Variants in ZNF423 observed in about 807,000 individuals in gnomAD.
The protein encoded by ZNF423 is Ebf-associated zinc finger protein.
A neutral mutation model predicts 95.8 loss-of-function variants in ZNF423; 12 were observed. The observed-to-expected ratio is 0.13, with a 90% CI of 0.08 to 0.20. The LOEUF is 0.20. Ranked by LOEUF, ZNF423 falls within the 10% of genes least tolerant of loss-of-function variation. The pLI is 1.00. For missense variants in ZNF423, 1,316 were observed against 1,737.1 expected, an observed-to-expected ratio of 0.76 and a Z score of 4.31; for synonymous variants, 749 against 711.9, an observed-to-expected ratio of 1.05 and a Z score of -0.83.
intron 3 of ZNF423, chr16:49,664,172 C>T (rs2030406221): frequency 1.0e-6 from 1 of 985,466 alleles, no homozygotes; most frequent in African/African-American, 1.7e-5. Context: ...GTTCCCAGCA[C>T]CCGGCGGCAG....
At chr16:49,633,301 C>T (rs780994294) in intron 4 of ZNF423, among the ~76,000 whole-genome samples, 1 of 152,224 alleles carries the variant, frequency 6.6e-6, no homozygotes, top group South Asian at 2.1e-4. Flanking sequence ...AAAATATCAG[C>T]GACATTTACT....
At chr16:49,722,160 G>A (rs1372652223) in intron 3 of ZNF423, among the ~76,000 whole-genome samples, 1 of 152,100 alleles carries the variant, frequency 6.6e-6, no homozygotes, top group African/African-American at 2.4e-5. Context: ...AGCTTACTCC[G>A]GATGGTTCCC....
At chr16:49,529,362 G>A (rs1003414715) in intron 5 of ZNF423, among the ~76,000 whole-genome samples, 6 of 151,952 alleles carry the variant, frequency 3.9e-5, no homozygotes, top group East Asian at 3.8e-4. Context: ...CAAACAACCC[G>A]CCAAGCAGGA....
At chr16:49,668,531 C>G (rs1475824234) in intron 3 of ZNF423, among the ~76,000 whole-genome samples, 4 of 152,204 alleles carry the variant, frequency 2.6e-5, no homozygotes, top group Admixed American at 2.6e-4. Context: ...TGGTAGCTGT[C>G]CTGGTCCTGT....
chr16:49,714,621 G>A lies in ZNF423; in HGVS notation c.301+16150C>T, dbSNP rs548717658. ...AGATCTCGCCACTGCACTCCAGCCT[G>A]GGAGAAAAAAAAAAAAAACTGATGA... On this transcript the variant is annotated intron_variant, in intron 3 of 7. Transcript: ENST00000563137. 2.7e-3 allele frequency among the ~76,000 whole-genome samples: 328 copies of A among 123,042 alleles called. 1 individual carries two copies. The highest frequency in any genetic ancestry group is 4.0e-3 in the Non-Finnish European group (239 of 59,110). 80.7% of individuals were successfully genotyped at this position (123,042 alleles called of 152,430 possible). A position where few individuals can be genotyped will look rare whatever the true frequency, so the allele number is the denominator to read the frequency against.
chr16:49,552,569 C>A (rs1029364940), intron 5 of ZNF423, among the ~76,000 whole-genome samples: 2 of 152,106 alleles, frequency 1.3e-5, no homozygotes, highest in Non-Finnish European at 2.9e-5. Flanking sequence ...AGAGGGAAAT[C>A]TCGGGAGTCC....
At position 49,788,048 on chromosome 16, in the gene ZNF423, A is replaced by G. The variant is rs569004328; in HGVS notation, c.100+1439T>C. ...GGGGGGCTACACAGCCCCTTCCCCC[A>G]GCCTCCTATCTGCCCAGTGCTGACC... On this transcript the variant is annotated intron_variant, in intron 2 of 7. Transcript: ENST00000563137. 2.6e-5 allele frequency among the ~76,000 whole-genome samples: 4 copies of G among 152,260 alleles called. No homozygotes were observed. The East Asian group carries it at 7.7e-4, about 29-fold the overall frequency.
chr16:49,633,904 T>C (rs1230098797), intron 4 of ZNF423, among the ~76,000 whole-genome samples: 3 of 151,720 alleles, frequency 2.0e-5, no homozygotes, highest in Non-Finnish European at 2.9e-5. Flanking sequence ...TTTCTTCCTT[T>C]CTTTCTTTCT....
At chr16:49,634,286 G>T (rs1972606179) in intron 4 of ZNF423, among the ~76,000 whole-genome samples, 1 of 150,218 alleles carries the variant, frequency 6.7e-6, no homozygotes, top group South Asian at 2.1e-4. Flanking sequence ...ATAGCTAACT[G>T]CAGCCTTGAT....
Position 49,561,826 on chromosome 16 carries a change from A to C in ZNF423, c.3602-36332T>G, listed in dbSNP as rs566750272. On this transcript the variant is annotated intron_variant, in intron 5 of 7. Transcript: ENST00000563137. ...TGGATGTGTTCTGGATGCATTCTTT[A>C]TTTCTCCTAATTTGAAGACGCCAGG... Among the ~76,000 whole-genome samples the C allele has an allele frequency of 5.3e-5, 8 of 152,172 alleles. No individual in the cohort carries two copies. The South Asian group carries it at 1.7e-3, about 32-fold the overall frequency.
chr16:49,793,999 C>T (rs143763848), intron 1 of ZNF423, among the ~76,000 whole-genome samples: 2 of 148,038 alleles, frequency 1.4e-5, no homozygotes, highest in African/African-American at 5.1e-5. Context: ...TACTTAAGAC[C>T]TCTCTGTCTC....
intron 2 of ZNF423, among the ~76,000 whole-genome samples, chr16:49,756,865 G>A (rs1003264063): frequency 6.6e-6 from 1 of 152,214 alleles, no homozygotes; most frequent in Non-Finnish European, 1.5e-5. Flanking sequence ...TGCGCGGGGA[G>A]GGGCAGACAT....
rs143799687 is a variant in ZNF423 at position 49,563,903 on chromosome 16, G to C, written c.3602-38409C>G. On this transcript the variant is annotated intron_variant, in intron 5 of 7. Coordinates refer to ENST00000563137, the MANE Select transcript of ZNF423 (RefSeq NM_001379286.1). ...AGAGCCTCCAATCATGCCACCAATG[G>C]GCAGAGCTTATTTCCCACCATCTGA... is the stretch of plus-strand genomic sequence containing the variant. Among the ~76,000 whole-genome samples, 9 of 152,328 alleles carry C rather than the reference G, an allele frequency of 5.9e-5. No individual in the cohort carries two copies. The East Asian group carries it at 1.7e-3, about 29-fold the overall frequency.
At chr16:49,581,346 G>A (rs564479444) in intron 5 of ZNF423, among the ~76,000 whole-genome samples, 2 of 152,188 alleles carry the variant, frequency 1.3e-5, no homozygotes, top group South Asian at 2.1e-4. Flanking sequence ...CAGCCCCATC[G>A]TCAGTAGGGA....
At chr16:49,620,180 C>A (rs1003998578) in intron 5 of ZNF423, among the ~76,000 whole-genome samples, 2 of 150,466 alleles carry the variant, frequency 1.3e-5, no homozygotes, top group African/African-American at 5.0e-5. Flanking sequence ...ACACAACACA[C>A]ACATACACAC....
At chr16:49,770,581 A>C (rs890907723) in intron 2 of ZNF423, among the ~76,000 whole-genome samples, 7 of 152,070 alleles carry the variant, frequency 4.6e-5, no homozygotes, top group Middle Eastern at 3.2e-3. Context: ...AGGCCCCCCC[A>C]GAAGACTCAC....
At chr16:49,682,991 C>T (rs927042532) in intron 3 of ZNF423, among the ~76,000 whole-genome samples, 4 of 152,266 alleles carry the variant, frequency 2.6e-5, no homozygotes, top group South Asian at 2.1e-4. Flanking sequence ...CTGAGGGAGC[C>T]GCTTTTCCGC....
intron 5 of ZNF423, among the ~76,000 whole-genome samples, chr16:49,548,631 A>G (rs1969520480): frequency 6.6e-6 from 1 of 152,162 alleles, no homozygotes; most frequent in Admixed American, 6.5e-5. Context: ...AGAAGGGGAG[A>G]GAGACGGGGA....
chr16:49,568,512 G>A (rs1970262559), intron 5 of ZNF423, among the ~76,000 whole-genome samples: 1 of 152,264 alleles, frequency 6.6e-6, no homozygotes, highest in Non-Finnish European at 1.5e-5. Flanking sequence ...CCTCTGACAA[G>A]GCATACAAGG....
Sources: allele counts gnomAD v4.1 joint callset (sites outside exome capture counted in the v4.1 genomes callset), GRCh38; gene constraint gnomAD v4.1.1; transcripts MANE v1.5; gene names NCBI Gene and HGNC (gene_info 2026-07-23, HGNC 2026-07-21).